GALNT17: variants seen among roughly 807,000 people sequenced by gnomAD.
The protein encoded by GALNT17 is polypeptide N-acetylgalactosaminyltransferase 17, also known as UDP-GalNAc:polypeptide N-acetylgalactosaminyltransferase-like 3.
In GALNT17, 29 loss-of-function variants were observed where a neutral mutation model predicts 63.7. The observed-to-expected ratio is 0.46, with a 90% CI of 0.34 to 0.62. GALNT17 has a LOEUF of 0.62. Among genes scored for constraint, GALNT17 ranks in the 20% least tolerant of loss-of-function variants. The pLI is 0.01. For missense variants in GALNT17, 603 were observed against 799.6 expected, an observed-to-expected ratio of 0.75 and a Z score of 2.97; for synonymous variants, 305 against 318.3, an observed-to-expected ratio of 0.96 and a Z score of 0.45.
intron 5 of GALNT17, among the ~76,000 whole-genome samples, chr7:71,517,010 C>G (rs1265505996): frequency 6.6e-6 from 1 of 152,146 alleles, no homozygotes; most frequent in Non-Finnish European, 1.5e-5. Context: ...TTTCTTGTCG[C>G]CATTGCTCAG....
intron 6 of GALNT17, among the ~76,000 whole-genome samples, chr7:71,656,805 T>C (rs995818053): frequency 6.6e-6 from 1 of 152,138 alleles, no homozygotes; most frequent in Non-Finnish European, 1.5e-5. Flanking sequence ...TGGCTTTCTT[T>C]CTGGTATATG....
intron 1 of GALNT17, among the ~76,000 whole-genome samples, chr7:71,259,084 C>T (rs1020717502): frequency 2.0e-5 from 3 of 152,136 alleles, no homozygotes; most frequent in Non-Finnish European, 4.4e-5. Context: ...ACACCGTACC[C>T]ACTGGAGCGG....
At chr7:71,247,885 A>C (rs987882410) in intron 1 of GALNT17, among the ~76,000 whole-genome samples, 1 of 152,220 alleles carries the variant, frequency 6.6e-6, no homozygotes, top group Non-Finnish European at 1.5e-5. Context: ...AAATGTTTTT[A>C]AGAAAATCGT....
intron 6 of GALNT17, among the ~76,000 whole-genome samples, chr7:71,616,675 A>G (rs1326668478): frequency 8.2e-6 from 1 of 121,376 alleles, no homozygotes; most frequent in Non-Finnish European, 1.6e-5. Context: ...AACATGTAAT[A>G]TAATACATTA....
chr7:71,509,215 C>CT (rs1387504347), intron 5 of GALNT17, among the ~76,000 whole-genome samples: 6 of 152,170 alleles, frequency 3.9e-5, no homozygotes, highest in African/African-American at 1.4e-4. Context: ...ATAAAATAGT[C>CT]TGTGTTAGAT....
intron 5 of GALNT17, among the ~76,000 whole-genome samples, chr7:71,421,951 G>GAA (rs79689052): frequency 3.4e-5 from 3 of 87,508 alleles, no homozygotes; most frequent in African/African-American, 4.4e-5. Flanking sequence ...ACTCTGTCTC[G>GAA]AAAAAAAAAA....
At chr7:71,440,010 A>G (rs1563094264) in intron 5 of GALNT17, among the ~76,000 whole-genome samples, 1 of 149,316 alleles carries the variant, frequency 6.7e-6, no homozygotes, top group Non-Finnish European at 1.5e-5. Flanking sequence ...CAGTGGCACA[A>G]TCTTGGCTCA....
At chr7:71,390,370 G>A in intron 3 of GALNT17, among the ~76,000 whole-genome samples, 1 of 152,164 alleles carries the variant, frequency 6.6e-6, no homozygotes, top group East Asian at 1.9e-4. Flanking sequence ...AAGGGCTTGG[G>A]TGCACCTGGG....
At chr7:71,666,595 G>A (rs111503790) in intron 7 of GALNT17, among the ~76,000 whole-genome samples, 3,334 of 151,560 alleles carry the variant, frequency 0.022, 50 homozygotes, top group African/African-American at 0.048. Context: ...CCATTGTATC[G>A]TTCTTATACC....
At chr7:71,338,518 G>C (rs1244726033) in intron 2 of GALNT17, among the ~76,000 whole-genome samples, 1 of 152,188 alleles carries the variant, frequency 6.6e-6, no homozygotes, top group East Asian at 1.9e-4. Flanking sequence ...GTGAGACACT[G>C]TCTAAAAACT....
chr7:71,268,072 A>T (rs1392318875), intron 1 of GALNT17, among the ~76,000 whole-genome samples: 1 of 152,108 alleles, frequency 6.6e-6, no homozygotes, highest in Non-Finnish European at 1.5e-5. Flanking sequence ...TCTGTGGAGG[A>T]CCTACCAAGG....
At chr7:71,583,095 C>T (rs1218783809) in intron 6 of GALNT17, among the ~76,000 whole-genome samples, 2 of 152,130 alleles carry the variant, frequency 1.3e-5, no homozygotes, top group Non-Finnish European at 2.9e-5. Flanking sequence ...CATCTCTGCT[C>T]CATACTCCAA....
At chr7:71,476,676 G>A (rs1267430439) in intron 5 of GALNT17, among the ~76,000 whole-genome samples, 1 of 152,198 alleles carries the variant, frequency 6.6e-6, no homozygotes, top group African/African-American at 2.4e-5. Flanking sequence ...TTTGGTCATC[G>A]CAGCGGGGAG....
At chr7:71,188,878 A>G (rs1788900392) in intron 1 of GALNT17, among the ~76,000 whole-genome samples, 1 of 152,246 alleles carries the variant, frequency 6.6e-6, no homozygotes, top group African/African-American at 2.4e-5. Context: ...AGTCGGGGAG[A>G]GTGAGAGAAT....
chr7:71,369,250 T>C (rs962417183), intron 2 of GALNT17, among the ~76,000 whole-genome samples: 3 of 152,184 alleles, frequency 2.0e-5, no homozygotes, highest in Non-Finnish European at 4.4e-5. Context: ...TGTCAGTAGA[T>C]ATATCAGCCA....
intron 1 of GALNT17, among the ~76,000 whole-genome samples, chr7:71,190,269 G>A (rs2116336092): frequency 6.6e-6 from 1 of 152,320 alleles, no homozygotes; most frequent in East Asian, 1.9e-4. Flanking sequence ...CAATGCTGGA[G>A]TTGGGGCCTG....
At chr7:71,614,362 TAAA>T (rs1255960418) in intron 6 of GALNT17, among the ~76,000 whole-genome samples, 1 of 151,510 alleles carries the variant, frequency 6.6e-6, no homozygotes, top group African/African-American at 2.4e-5. Context: ...CTCAGCCTGT[TAAA>T]TACAGTGCAA....
At chr7:71,156,656 C>CTTTG in intron 1 of GALNT17, among the ~76,000 whole-genome samples, 1 of 143,826 alleles carries the variant, frequency 7.0e-6, no homozygotes, top group African/African-American at 2.7e-5. Context: ...CTCCCTGCCT[C>CTTTG]CCTTCCTTCT....
chr7:71,354,792 A>G (rs533155907), intron 2 of GALNT17, among the ~76,000 whole-genome samples: 1 of 152,338 alleles, frequency 6.6e-6, no homozygotes, highest in African/African-American at 2.4e-5. Flanking sequence ...TTAAATGTTT[A>G]GTAGAAGTCA....
Sources: allele counts gnomAD v4.1 joint callset (sites outside exome capture counted in the v4.1 genomes callset), GRCh38; gene constraint gnomAD v4.1.1; transcripts MANE v1.5; gene names NCBI Gene and HGNC (gene_info 2026-07-23, HGNC 2026-07-21).